Variants in SYCP1 observed in about 807,000 individuals in gnomAD.
The protein encoded by SYCP1 is synaptonemal complex protein 1, also known as cancer/testis antigen 8.
Under a neutral mutation model 153.1 loss-of-function variants are expected in SYCP1, and 64 were observed. That is an observed-to-expected ratio of 0.42 (90% CI 0.34 to 0.51). The LOEUF (loss-of-function observed/expected upper bound fraction) is 0.51. SYCP1 is among the 20% of genes least tolerant of loss of function. The probability of loss-of-function intolerance (pLI) is 0.06; values close to 1 mark genes in which losing one functional copy is unlikely to be tolerated. For missense variants in SYCP1, 997 were observed against 1,049.0 expected, an observed-to-expected ratio of 0.95 and a Z score of 0.68; for synonymous variants, 384 against 341.8, an observed-to-expected ratio of 1.12 and a Z score of -1.36.
intron 27 of SYCP1, among the ~76,000 whole-genome samples, chr1:114,960,083 T>C (rs1175992797): frequency 6.6e-6 from 1 of 152,102 alleles, no homozygotes; most frequent in Non-Finnish European, 1.5e-5. Flanking sequence ...TAAATGGATT[T>C]CTTTTCTTTT....
At chr1:114,975,759 C>T (rs1672761284) in intron 27 of SYCP1, among the ~76,000 whole-genome samples, 1 of 151,672 alleles carries the variant, frequency 6.6e-6, no homozygotes, top group South Asian at 2.1e-4. Flanking sequence ...CTATATCTTT[C>T]ATTAATTTGA....
chr1:114,903,198 T>A (rs375505861), intron 16 of SYCP1, among the ~76,000 whole-genome samples: 5 of 152,008 alleles, frequency 3.3e-5, no homozygotes, highest in Non-Finnish European at 7.4e-5. Context: ...AACAAACATT[T>A]GTTGAGTTTT....
intron 8 of SYCP1, among the ~76,000 whole-genome samples, chr1:114,870,811 C>A (rs1415493076): frequency 6.6e-6 from 1 of 152,046 alleles, no homozygotes; most frequent in African/African-American, 2.4e-5. Context: ...TTTTTTGATC[C>A]ACTCTGACAA....
chr1:114,939,811 C>T (rs1195367653), intron 23 of SYCP1, among the ~76,000 whole-genome samples: 2 of 151,692 alleles, frequency 1.3e-5, no homozygotes, highest in Admixed American at 6.6e-5. Flanking sequence ...AACTCATCGA[C>T]GAAAGCTACT....
At position 114,857,229 on chromosome 1, in the gene SYCP1, C is replaced by T. The variant is rs1369968150; in HGVS notation, c.194-3C>T. On this transcript the variant is annotated splice_polypyrimidine_tract_variant and splice_region_variant and intron_variant, in intron 3 of 31. Transcript: ENST00000369522. ...TTAATACCTGTTGTCTTTTATCTTG[C>T]AGATCCTGCTTTACAAAAAGTTAAT... 1.3e-6 allele frequency: 2 copies of T among 1,588,768 alleles called. No individual in the cohort carries two copies. Among genetic ancestry groups the T allele is most frequent in the Non-Finnish European group, 1.7e-6 (2 of 1,167,060 alleles).
chr1:114,887,600 G>A, intron 14 of SYCP1, 26 bp from the exon 15 acceptor site: 1 of 1,430,504 alleles, frequency 7.0e-7, no homozygotes, highest in Middle Eastern at 1.8e-4. Context: ...ATAATATTTT[G>A]TATTGAAAAT....
intron 23 of SYCP1, among the ~76,000 whole-genome samples, chr1:114,933,822 A>T (rs915924399): frequency 2.0e-5 from 3 of 152,232 alleles, no homozygotes. Flanking sequence ...TTGAAGATCA[A>T]ATGAATGAAA....
At chr1:114,856,966 C>T (rs1316484120) in intron 3 of SYCP1, among the ~76,000 whole-genome samples, 1 of 142,738 alleles carries the variant, frequency 7.0e-6, no homozygotes, top group Non-Finnish European at 1.5e-5. Context: ...AACCCCACCA[C>T]CCCCAAAACT....
intron 23 of SYCP1, among the ~76,000 whole-genome samples, chr1:114,934,794 A>T (rs754571431): frequency 2.4e-4 from 37 of 152,222 alleles, no homozygotes; most frequent in Non-Finnish European, 4.6e-4. Flanking sequence ...ACCAACAAAG[A>T]TCAAAAGAGA....
At chr1:114,944,769 T>C (rs751485273) in intron 24 of SYCP1, 103 bp from the exon 25 acceptor site, 16 of 840,996 alleles carry the variant, frequency 1.9e-5, no homozygotes, top group Non-Finnish European at 3.0e-5. Context: ...AGTTTCCTGG[T>C]GTTTGAGGTT....
intron 15 of SYCP1, among the ~76,000 whole-genome samples, chr1:114,895,162 T>A (rs1479078673): frequency 6.6e-6 from 1 of 152,116 alleles, no homozygotes; most frequent in East Asian, 1.9e-4. Context: ...ATGTACATTC[T>A]GACCTCATTT....
chr1:114,889,883 C>G (rs1246939735), intron 15 of SYCP1, among the ~76,000 whole-genome samples: 2 of 151,608 alleles, frequency 1.3e-5, no homozygotes, highest in Non-Finnish European at 3.0e-5. Context: ...TTTTGTATAC[C>G]TATACTTATT....
At chr1:114,963,568 C>T (rs1671915007) in intron 27 of SYCP1, among the ~76,000 whole-genome samples, 1 of 152,118 alleles carries the variant, frequency 6.6e-6, no homozygotes, top group Admixed American at 6.6e-5. Flanking sequence ...GTTCCCATCC[C>T]TGTGCCTGTA....
chr1:114,860,359 A>G (rs1363578633), intron 7 of SYCP1, among the ~76,000 whole-genome samples: 1 of 152,142 alleles, frequency 6.6e-6, no homozygotes, highest in Non-Finnish European at 1.5e-5. Context: ...ACATATATTA[A>G]TTTGTTAATG....
intron 20 of SYCP1, among the ~76,000 whole-genome samples, chr1:114,920,589 G>A (rs1668800470): frequency 6.6e-6 from 1 of 151,984 alleles, no homozygotes; most frequent in African/African-American, 2.4e-5. Context: ...TAAGTTACCA[G>A]CTATTATTTT....
At chr1:114,973,321 G>C (rs1040737403) in intron 27 of SYCP1, among the ~76,000 whole-genome samples, 19 of 151,972 alleles carry the variant, frequency 1.3e-4, no homozygotes, top group Admixed American at 5.3e-4. Context: ...CTTTATGGTT[G>C]TGGTTGTGCT....
At chr1:114,875,049 C>G (rs992832588) in intron 9 of SYCP1, among the ~76,000 whole-genome samples, 1 of 152,024 alleles carries the variant, frequency 6.6e-6, no homozygotes, top group Non-Finnish European at 1.5e-5. Flanking sequence ...TTCTAAACTT[C>G]ATTCTGCTTT....
In SYCP1 at chr1:114,926,314, A is replaced by G; in HGVS notation, c.1837A>G (p.Lys613Glu). The G allele has an allele frequency of 6.5e-7, 1 of 1,533,304 alleles. No individual in the cohort carries two copies. The allele number at this position is 1,533,304 out of a possible 1,614,324, so 95.0% of individuals were successfully genotyped here. ...NLRKQVENKN[K>E]YIEELQQENK... ...AAGGAAACAAGTTGAAAATAAAAAC[A>G]AGTATATTGAAGAACTTCAGCAGGA... Residue 613 changes from lysine (K) to glutamate (E), a missense_variant, in exon 22 of 32, where the codon AAG (lysine) becomes GAG (glutamate). Physicochemically the swap from Lys to Glu is moderately conservative, Grantham distance 56 (BLOSUM62 1). Around this residue, in one of 2 missense-constraint regions of SYCP1, gnomAD observed 712 missense variants for 682.9 expected, o/e 1.04. Coordinates refer to ENST00000369522, the MANE Select transcript of SYCP1 (RefSeq NM_003176.4).
chr1:114,973,702 T>C (rs368989832), intron 27 of SYCP1, among the ~76,000 whole-genome samples: 4 of 152,092 alleles, frequency 2.6e-5, no homozygotes, highest in East Asian at 1.9e-4. Context: ...TTTCCTCTCT[T>C]CCTGTCTTGC....
Sources: allele counts gnomAD v4.1 joint callset (sites outside exome capture counted in the v4.1 genomes callset), GRCh38; gene constraint gnomAD v4.1.1; regional missense constraint gnomAD v4.1.1; transcripts MANE v1.5; gene names NCBI Gene and HGNC (gene_info 2026-07-23, HGNC 2026-07-21).